AUTS2: variants seen among roughly 807,000 people sequenced by gnomAD.
AUTS2 encodes the protein autism susceptibility gene 2 protein.
AUTS2 carries 17 observed loss-of-function variants against 112.4 expected under a neutral mutation model. The observed-to-expected ratio is 0.15, with a 90% CI of 0.10 to 0.23. AUTS2 has a LOEUF of 0.23. AUTS2 is among the 10% of genes least tolerant of loss of function. The probability of loss-of-function intolerance (pLI) is 1.00; values close to 1 mark genes in which losing one functional copy is unlikely to be tolerated. For synonymous variants in AUTS2, 751 were observed against 702.7 expected, an observed-to-expected ratio of 1.07 and a Z score of -1.09; for missense variants, 1,510 against 1,701.6, an observed-to-expected ratio of 0.89 and a Z score of 1.98.
intron 4 of AUTS2, among the ~76,000 whole-genome samples, chr7:70,434,497 T>C (rs1374343319): frequency 6.6e-6 from 1 of 152,224 alleles, no homozygotes; most frequent in East Asian, 1.9e-4. Flanking sequence ...CCCTGTTACT[T>C]GCTTCCCATA....
rs185152569 is a variant in AUTS2 at position 69,815,435 on chromosome 7, G to A, written c.310-83851G>A. 5.1e-4 allele frequency among the ~76,000 whole-genome samples: 77 copies of A among 152,292 alleles called. No individual in the cohort carries two copies. In the Middle Eastern group the frequency reaches 0.01, roughly 20 times the overall value. Reference sequence around the variant, plus strand: ...ACAATCTTAAAGTTACCTTTGGAATGATAGATCTTTGAAAAAAACAGGTAG... The same window carrying A: ...ACAATCTTAAAGTTACCTTTGGAATAATAGATCTTTGAAAAAAACAGGTAG... On this transcript the variant is annotated intron_variant, in intron 1 of 18. Transcript: ENST00000342771.
intron 2 of AUTS2, among the ~76,000 whole-genome samples, chr7:70,089,852 C>G (rs990657432): frequency 6.6e-6 from 1 of 151,650 alleles, no homozygotes; most frequent in Non-Finnish European, 1.5e-5. Flanking sequence ...ACTAAAAATA[C>G]AAAAATTAGC....
chr7:70,410,620 G>A (rs929293777), intron 4 of AUTS2, among the ~76,000 whole-genome samples: 8 of 151,264 alleles, frequency 5.3e-5, no homozygotes, highest in Admixed American at 3.3e-4. Context: ...GACGGGTTTC[G>A]CCATGTCTCT....
intron 1 of AUTS2, among the ~76,000 whole-genome samples, chr7:69,612,189 C>G (rs1481316347): frequency 6.6e-6 from 1 of 152,004 alleles, no homozygotes; most frequent in East Asian, 1.9e-4. Context: ...CTGAGAAATG[C>G]TTTATTTCTT....
At chr7:70,739,035 T>G (rs1274460663) in intron 6 of AUTS2, among the ~76,000 whole-genome samples, 15 of 82,550 alleles carry the variant, frequency 1.8e-4, no homozygotes, top group Non-Finnish European at 3.3e-4. Context: ...TTTTTTTTTT[T>G]TTGAGAGAGA....
At chr7:69,889,323 A>G (rs1584397818) in intron 1 of AUTS2, among the ~76,000 whole-genome samples, 2 of 152,374 alleles carry the variant, frequency 1.3e-5, no homozygotes, top group Admixed American at 1.3e-4. Context: ...TACCAGGAAG[A>G]TCCAGTTACC....
At chr7:69,772,256 C>A (rs75856500) in intron 1 of AUTS2, among the ~76,000 whole-genome samples, 6 of 152,274 alleles carry the variant, frequency 3.9e-5, no homozygotes, top group African/African-American at 1.2e-4. Context: ...ATGACAGATC[C>A]GGTTCAACTC....
intron 2 of AUTS2, among the ~76,000 whole-genome samples, chr7:70,088,133 T>C (rs1419702992): frequency 6.6e-6 from 1 of 152,096 alleles, no homozygotes; most frequent in East Asian, 1.9e-4. Context: ...TTTTTGTTTG[T>C]TTGTTTTTGA....
intron 6 of AUTS2, among the ~76,000 whole-genome samples, chr7:70,740,301 G>A (rs1448450613): frequency 2.0e-5 from 3 of 152,184 alleles, no homozygotes; most frequent in South Asian, 2.1e-4. Flanking sequence ...CTTACACGTG[G>A]TGCTATTGCA....
intron 1 of AUTS2, chr7:69,825,887 A>G (rs1791219396): frequency 6.6e-6 from 1 of 152,220 alleles, no homozygotes; most frequent in Admixed American, 6.5e-5. Flanking sequence ...TAAAGAAGCA[A>G]TTAACGTAGT....
intron 5 of AUTS2, among the ~76,000 whole-genome samples, chr7:70,620,493 AAG>A (rs1181584160): frequency 6.6e-6 from 1 of 152,058 alleles, no homozygotes; most frequent in African/African-American, 2.4e-5. Context: ...TGTGGAAGGA[AAG>A]GGGTTGGTCG....
chr7:70,285,777 A>G (rs1192478099), intron 4 of AUTS2, among the ~76,000 whole-genome samples: 1 of 152,176 alleles, frequency 6.6e-6, no homozygotes, highest in African/African-American at 2.4e-5. Context: ...TTCATTCATC[A>G]AATATTTATT....
At chr7:70,146,266 A>G (rs990808171) in intron 4 of AUTS2, among the ~76,000 whole-genome samples, 25 of 151,812 alleles carry the variant, frequency 1.6e-4, no homozygotes, top group African/African-American at 5.3e-4. Flanking sequence ...TTTAGTGGGG[A>G]AAAAAAATTC....
chr7:70,158,487 G>C (rs1807902089), intron 4 of AUTS2, among the ~76,000 whole-genome samples: 1 of 152,208 alleles, frequency 6.6e-6, no homozygotes, highest in African/African-American at 2.4e-5. Flanking sequence ...CCAAGTATCT[G>C]CTTTATTCAA....
chr7:69,869,529 T>C (rs1310867946), intron 1 of AUTS2, among the ~76,000 whole-genome samples: 1 of 149,506 alleles, frequency 6.7e-6, no homozygotes, highest in Non-Finnish European at 1.5e-5. Context: ...TCAAGGATCA[T>C]ATATATATAT....
chr7:70,124,683 C>T (rs765357704), intron 3 of AUTS2, among the ~76,000 whole-genome samples: 2 of 152,082 alleles, frequency 1.3e-5, no homozygotes, highest in Non-Finnish European at 2.9e-5. Flanking sequence ...CTGCCTCAGT[C>T]CCCCGAGTAG....
intron 4 of AUTS2, among the ~76,000 whole-genome samples, chr7:70,135,953 A>C (rs571254465): frequency 1.7e-4 from 26 of 152,322 alleles, no homozygotes; most frequent in Non-Finnish European, 3.1e-4. Flanking sequence ...TTTCTTCAGC[A>C]GAAAGAAGGC....
chr7:70,544,746 T>C (rs1246450165), intron 5 of AUTS2, among the ~76,000 whole-genome samples: 2 of 152,160 alleles, frequency 1.3e-5, no homozygotes, highest in East Asian at 3.8e-4. Context: ...GATAAAGTGA[T>C]CTAGGTTAGA....
chr7:70,179,736 A>G (rs1166175195), intron 4 of AUTS2, among the ~76,000 whole-genome samples: 1 of 151,976 alleles, frequency 6.6e-6, no homozygotes, highest in African/African-American at 2.4e-5. Flanking sequence ...GAATTATAGG[A>G]CTCTGAGGCC....
Sources: allele counts gnomAD v4.1 joint callset (sites outside exome capture counted in the v4.1 genomes callset), GRCh38; gene constraint gnomAD v4.1.1; transcripts MANE v1.5; gene names NCBI Gene and HGNC (gene_info 2026-07-23, HGNC 2026-07-21).